The following WDR45B variants were observed in gnomAD, a reference collection of about 807,000 sequenced individuals.
WDR45B encodes the protein WD repeat domain 45B.
In WDR45B, 20 loss-of-function variants were observed where a neutral mutation model predicts 44.6. That is an observed-to-expected ratio of 0.45 (90% CI 0.32 to 0.65). The LOEUF is 0.65. Among genes scored for constraint, WDR45B ranks in the 30% least tolerant of loss-of-function variants. The pLI, the probability that WDR45B is intolerant of heterozygous loss-of-function variation, is 0.05. For missense variants in WDR45B, 323 were observed against 430.2 expected, an observed-to-expected ratio of 0.75 and a Z score of 2.20; for synonymous variants, 169 against 164.9, an observed-to-expected ratio of 1.02 and a Z score of -0.19.
chr17:82,640,353 C>CTTTT lies in WDR45B; in HGVS notation c.142+3592_142+3595dup, dbSNP rs1185316610. On this transcript the variant is annotated intron_variant, in intron 2 of 9. Transcript: ENST00000392325. ...TGCTGCTCTTCACTGGGATTTTTTT[C>CTTTT]TTTTTTTTTTTTTTTTAAGACAGAG... Among the ~76,000 whole-genome samples, 21 of 140,240 alleles carry CTTTT rather than the reference C, an allele frequency of 1.5e-4. No individual in the cohort carries two copies. In the East Asian group the frequency reaches 4.1e-3, roughly 28 times the overall value. The allele number at this position is 140,240 out of a possible 152,430, so 92.0% of individuals were successfully genotyped here.
At chr17:82,631,908 C>T (rs62079705) in intron 2 of WDR45B, among the ~76,000 whole-genome samples, 88,848 of 151,298 alleles carry the variant, frequency 0.59, 27,257 homozygotes, top group African/African-American at 0.77. Context: ...CATGGTGAAA[C>T]GCTGTCTTTA....
At chr17:82,633,278 A>G (rs2045792424) in intron 2 of WDR45B, among the ~76,000 whole-genome samples, 1 of 152,148 alleles carries the variant, frequency 6.6e-6, no homozygotes, top group Admixed American at 6.6e-5. Context: ...GGCAGAGCAT[A>G]TTTACAAACC....
chr17:82,647,330 C>A (rs1287943660), intron 1 of WDR45B, among the ~76,000 whole-genome samples: 1 of 152,260 alleles, frequency 6.6e-6, no homozygotes, highest in Non-Finnish European at 1.5e-5. Flanking sequence ...TAAAGCCTCG[C>A]AGAAGCCTGT....
At chr17:82,616,811 A>AT (rs1316644941) in intron 8 of WDR45B, among the ~76,000 whole-genome samples, 166 bp from the exon 9 acceptor site, 3 of 151,602 alleles carry the variant, frequency 2.0e-5, no homozygotes, top group Non-Finnish European at 4.4e-5. Flanking sequence ...GTACAATTTT[A>AT]TTTAAAAAAA....
intron 1 of WDR45B, among the ~76,000 whole-genome samples, chr17:82,647,444 G>T (rs961739932): frequency 6.6e-6 from 1 of 152,158 alleles, no homozygotes; most frequent in Non-Finnish European, 1.5e-5. Flanking sequence ...GGTCCCGCCC[G>T]CCTCCCGCGG....
intron 2 of WDR45B, among the ~76,000 whole-genome samples, chr17:82,640,969 G>GTTTTTTTTTTT (rs398031785): frequency 1.5e-5 from 2 of 131,858 alleles, no homozygotes; most frequent in Admixed American, 8.2e-5. Context: ...TCTTGTCTGG[G>GTTTTTTTTTTT]TTTTTTTTTT....
chr17:82,617,573 T>A, intron 7 of WDR45B, 176 bp from the exon 8 acceptor site: 2 of 681,202 alleles, frequency 2.9e-6, no homozygotes, highest in Non-Finnish European at 5.3e-6. Context: ...GCACCACAGG[T>A]TGAAGCCACA....
Position 82,616,514 on chromosome 17 carries a change from G to A in WDR45B, c.928+10C>T, listed in dbSNP as rs1192103648. 1.2e-6 allele frequency: 2 copies of A among 1,613,718 alleles called. No individual in the cohort carries two copies. Among genetic ancestry groups the A allele is most frequent in the African/African-American group, 2.7e-5 (2 of 74,926 alleles). On this transcript the variant is annotated intron_variant, in intron 9 of 9. Transcript: ENST00000392325. ...GGGTGGGGACGTTCTCTCCAGGAAG[G>A]ACCACTCACCAATGACGGCGTTTGG...
At chr17:82,633,836 G>C (rs1428186122) in intron 2 of WDR45B, among the ~76,000 whole-genome samples, 2 of 152,066 alleles carry the variant, frequency 1.3e-5, no homozygotes, top group African/African-American at 4.8e-5. Flanking sequence ...GCAACACAGT[G>C]AGACGCTCCC....
Position 82,616,024 on chromosome 17 carries a change from T to C in WDR45B, c.930A>G (p.Ala310=), listed in dbSNP as rs750025483. 5.6e-6 allele frequency: 9 copies of C among 1,613,662 alleles called. No individual in the cohort carries two copies. The South Asian group carries it at 9.9e-5, about 18-fold the overall frequency. Residue 310 remains alanine, a splice_region_variant and synonymous_variant, in exon 10 of 10, where the codon GCA becomes GCG. Coordinates refer to ENST00000392325, the MANE Select transcript of WDR45B (RefSeq NM_019613.4). ...AFGTEPNAVI[A]ICADGSYYKF... ...TGTAGTAGCTGCCGTCTGCACAAAT[T>C]GCTGGGATAGAAGGAGACCATTTTA... is the stretch of plus-strand genomic sequence containing the variant.
chr17:82,630,315 G>T (rs1359274859), intron 3 of WDR45B, among the ~76,000 whole-genome samples: 2 of 21,536 alleles, frequency 9.3e-5, no homozygotes, highest in South Asian at 3.0e-3. Context: ...CCTACCTCCC[G>T]CCTCCCACCT....
intron 3 of WDR45B, chr17:82,629,793 C>T (rs998556136): frequency 6.1e-6 from 6 of 985,408 alleles, no homozygotes; most frequent in Non-Finnish European, 7.2e-6. Flanking sequence ...TGCCTTTCCA[C>T]ACAATCCTTT....
Position 82,630,952 on chromosome 17 carries a change from A to T in WDR45B, c.213T>A (p.Gly71=). ...FRCNYLALVG[G]GKKPKYPPNK... ...TGGGAGGGTATTTCGGCTTTTTTCC[A>T]CCACCAACTAAAGCTAAATAGTTGC... Residue 71 remains glycine, a synonymous_variant, in exon 3 of 10, where the codon GGT becomes GGA. Transcript: ENST00000392325. The T allele has an allele frequency of 6.2e-7, 1 of 1,612,890 alleles. No homozygotes were observed. Among genetic ancestry groups the T allele is most frequent in the Non-Finnish European group, 8.5e-7 (1 of 1,180,016 alleles).
rs2045619004 is a variant in WDR45B, at chr17:82,621,634, G to A, written c.593C>T (p.Thr198Ile). The A allele has an allele frequency of 1.2e-6, 2 of 1,614,208 alleles. No individual in the cohort carries two copies. The highest frequency in any genetic ancestry group is 1.7e-6 in the Non-Finnish European group (2 of 1,180,040). The change falls in exon 6 of 10, where the codon ACA becomes ATA. Residue 198 changes from threonine to isoleucine, a missense_variant. Transcript: ENST00000392325. ...TTTCTCGGATGCAGTTGCAATTCTT[G>A]TTCCCTGCAGGTTGAGTGCAATGCA... ...LSCIALNLQGTRIATASEKGT... is the reference protein window; with the variant it reads ...LSCIALNLQGIRIATASEKGT...
chr17:82,636,715 T>C (rs2045837269), intron 2 of WDR45B: 1 of 152,058 alleles, frequency 6.6e-6, no homozygotes. Flanking sequence ...TTATCCTTTG[T>C]TCTCGAACTC....
At position 82,630,911 on chromosome 17, in the gene WDR45B, A is replaced by G. The variant is rs1421701024; in HGVS notation, c.244+10T>C. ...GTGAGGCATGATTCTTCAATACACAATTACAGTACCTTTGTTGGGAGGGTA... is the reference window on the plus strand; with the variant it reads ...GTGAGGCATGATTCTTCAATACACAGTTACAGTACCTTTGTTGGGAGGGTA... On this transcript the variant is annotated intron_variant, in intron 3 of 9. Coordinates refer to ENST00000392325, the MANE Select transcript of WDR45B (RefSeq NM_019613.4). 3.7e-6 allele frequency: 6 copies of G among 1,610,910 alleles called. No homozygotes were observed.
Position 82,625,483 on chromosome 17 carries a change from T to C in WDR45B, c.333A>G (p.Arg111=), listed in dbSNP as rs2045683117. 1.9e-6 allele frequency: 3 copies of C among 1,614,114 alleles called. No individual in the cohort carries two copies. The African/African-American group carries it at 4.0e-5, about 22-fold the overall frequency. ...TCATGGAGTCCAAAACCACCACAAT[T>C]CTGGAAAGAAAAACATGATCAGAGT... ...EVKAVKLRRD[R]IVVVLDSMIK... Residue 111 remains arginine (R), a splice_region_variant and synonymous_variant, in exon 5 of 10, where the codon AGA becomes AGG. Coordinates refer to ENST00000392325, the MANE Select transcript of WDR45B (RefSeq NM_019613.4).
intron 1 of WDR45B, among the ~76,000 whole-genome samples, chr17:82,647,971 G>A (rs1211725890): frequency 7.1e-6 from 1 of 141,298 alleles, no homozygotes; most frequent in Admixed American, 7.3e-5. Flanking sequence ...GTTCTGTGCC[G>A]TCTCCCACCG....
intron 1 of WDR45B, among the ~76,000 whole-genome samples, chr17:82,647,797 G>A (rs1036258052): frequency 7.2e-5 from 11 of 152,084 alleles, no homozygotes; most frequent in African/African-American, 2.7e-4. Context: ...TCAGCCACGG[G>A]CTACCTACTA....
Sources: allele counts gnomAD v4.1 joint callset (sites outside exome capture counted in the v4.1 genomes callset), GRCh38; gene constraint gnomAD v4.1.1; transcripts MANE v1.5; gene names NCBI Gene and HGNC (gene_info 2026-07-23, HGNC 2026-07-21).